Variants in MAGI2 observed in about 807,000 individuals in gnomAD.
MAGI2 encodes membrane associated guanylate kinase, WW and PDZ domain containing 2, also known as membrane-associated guanylate kinase, WW and PDZ domain-containing protein 2.
In MAGI2, 35 loss-of-function variants were observed where a neutral mutation model predicts 133.3. The observed-to-expected ratio is 0.26, with a 90% CI of 0.20 to 0.35. The LOEUF is 0.35. MAGI2 is among the 10% of genes least tolerant of loss of function. The pLI, the probability that MAGI2 is intolerant of heterozygous loss-of-function variation, is 1.00. For missense variants in MAGI2, 1,636 were observed against 1,863.4 expected (o/e 0.88, Z 2.25); for synonymous variants, 729 against 710.6 (o/e 1.03, Z -0.41).
chr7:78,417,709 A>T (rs1365622717), intron 6 of MAGI2, among the ~76,000 whole-genome samples: 1 of 152,156 alleles, frequency 6.6e-6, no homozygotes, highest in East Asian at 1.9e-4. Context: ...TGGGGGACAG[A>T]TATTACTGTG....
chr7:78,577,348 G>T (rs1249436558), intron 3 of MAGI2, among the ~76,000 whole-genome samples: 1 of 152,004 alleles, frequency 6.6e-6, no homozygotes, highest in Admixed American at 6.6e-5. Flanking sequence ...GGTCCTAATT[G>T]AATTAAAAGA....
intron 2 of MAGI2, among the ~76,000 whole-genome samples, chr7:78,655,436 C>A (rs796736514): frequency 3.0e-4 from 12 of 40,412 alleles, no homozygotes; most frequent in South Asian, 1.3e-3. Flanking sequence ...AAACAAAAAA[C>A]AAACAAAAAA....
At chr7:79,427,452 G>A (rs1458632585) in intron 1 of MAGI2, among the ~76,000 whole-genome samples, 2 of 152,098 alleles carry the variant, frequency 1.3e-5, no homozygotes, top group African/African-American at 4.8e-5. Flanking sequence ...CATGCAATAA[G>A]TGATCTAAAA....
intron 10 of MAGI2, among the ~76,000 whole-genome samples, chr7:78,250,703 A>C (rs1403950472): frequency 2.0e-5 from 3 of 152,084 alleles, no homozygotes; most frequent in Admixed American, 2.0e-4. Flanking sequence ...AACTGATTTA[A>C]GAAGAAAACA....
chr7:79,268,886 GGTT>G (rs1479290265), intron 1 of MAGI2, among the ~76,000 whole-genome samples: 1 of 152,142 alleles, frequency 6.6e-6, no homozygotes, highest in Non-Finnish European at 1.5e-5. Context: ...GACAGGAGAA[GGTT>G]GTTATTAGCC....
chr7:78,959,237 G>A (rs1044527233), intron 2 of MAGI2, among the ~76,000 whole-genome samples: 1 of 152,132 alleles, frequency 6.6e-6, no homozygotes, highest in African/African-American at 2.4e-5. Context: ...TTCATGCAAA[G>A]TTAGTCAATT....
At chr7:78,527,278 G>A (rs1028211311) in intron 3 of MAGI2, among the ~76,000 whole-genome samples, 3 of 152,114 alleles carry the variant, frequency 2.0e-5, no homozygotes, top group Non-Finnish European at 4.4e-5. Flanking sequence ...AAAGCAGTGA[G>A]AATAGCTTTC....
At position 78,256,014 on chromosome 7, in the gene MAGI2, T is replaced by G; in HGVS notation, c.1976A>C (p.His659Pro). 1 of 1,613,752 alleles carries G rather than the reference T, an allele frequency of 6.2e-7. No homozygotes were observed. The highest frequency in any genetic ancestry group is 8.5e-7 in the Non-Finnish European group (1 of 1,179,882). ...INQQNVQNLSHTEVVDILKDC... is the reference protein window; with the variant it reads ...INQQNVQNLSPTEVVDILKDC... ...CTTAAGTATATCCACTACTTCTGTA[T>G]GGCTCAGGTTCTGTACATTCTGCTG... Residue 659 changes from histidine to proline, a missense_variant, in exon 10 of 22, where the codon CAT becomes CCT. By Grantham distance (77) the His-to-Pro change is moderately conservative. Coordinates refer to ENST00000354212, the MANE Select transcript of MAGI2 (RefSeq NM_012301.4).
At chr7:79,305,492 C>T (rs922387631) in intron 1 of MAGI2, among the ~76,000 whole-genome samples, 1 of 152,094 alleles carries the variant, frequency 6.6e-6, no homozygotes, top group Admixed American at 6.6e-5. Flanking sequence ...TTTATCTATT[C>T]TTATCTCTTT....
chr7:78,243,208 C>A (rs919234479), intron 10 of MAGI2, among the ~76,000 whole-genome samples: 2 of 148,588 alleles, frequency 1.3e-5, no homozygotes, highest in Non-Finnish European at 3.0e-5. Context: ...TGCAACCTAC[C>A]CTCAAATGGT....
chr7:78,717,884 A>G (rs1440722956), intron 2 of MAGI2, among the ~76,000 whole-genome samples: 1 of 152,208 alleles, frequency 6.6e-6, no homozygotes, highest in African/African-American at 2.4e-5. Context: ...GTACTAATAT[A>G]AGCAAATACT....
intron 16 of MAGI2, among the ~76,000 whole-genome samples, chr7:78,136,139 G>C (rs564982705): frequency 6.7e-6 from 1 of 149,276 alleles, no homozygotes; most frequent in African/African-American, 2.5e-5. Context: ...TTTTTGAGAT[G>C]GAGTCTCACT....
chr7:79,197,480 G>C lies in MAGI2; in HGVS notation c.302-190274C>G, dbSNP rs887116345. 5.3e-5 allele frequency among the ~76,000 whole-genome samples: 8 copies of C among 152,118 alleles called. No homozygotes were observed. In the East Asian group the frequency reaches 1.4e-3, roughly 26 times the overall value. On this transcript the variant is annotated intron_variant, in intron 1 of 21. Transcript: ENST00000354212. The stretch of plus-strand genomic sequence containing the variant: ...ACAACCAGCGCTTGCTCCAAGTCTA[G>C]TTCTGCTCAGCAATGCAAGTTCTCT...
chr7:78,654,220 A>G (rs1811890792), intron 2 of MAGI2, among the ~76,000 whole-genome samples: 1 of 152,136 alleles, frequency 6.6e-6, no homozygotes, highest in Non-Finnish European at 1.5e-5. Context: ...AGCTTGGACA[A>G]ATTTCTTACT....
intron 1 of MAGI2, among the ~76,000 whole-genome samples, chr7:79,215,626 G>A (rs1829961700): frequency 6.6e-6 from 1 of 151,792 alleles, no homozygotes; most frequent in Non-Finnish European, 1.5e-5. Flanking sequence ...CCTATGACCT[G>A]GCAATACTTC....
chr7:79,050,331 A>G (rs1334982225), intron 1 of MAGI2, among the ~76,000 whole-genome samples: 1 of 152,166 alleles, frequency 6.6e-6, no homozygotes, highest in African/African-American at 2.4e-5. Flanking sequence ...GAGACATGAA[A>G]TATGTGGCCT....
intron 2 of MAGI2, among the ~76,000 whole-genome samples, chr7:78,974,342 C>T (rs975633944): frequency 9.9e-5 from 15 of 151,930 alleles, no homozygotes; most frequent in African/African-American, 2.9e-4. Context: ...TAATTTTTAG[C>T]TCTAATGTCT....
intron 6 of MAGI2, among the ~76,000 whole-genome samples, chr7:78,431,613 T>C (rs1799802141): frequency 6.6e-6 from 1 of 152,104 alleles, no homozygotes; most frequent in Admixed American, 6.6e-5. Context: ...AAAATGCAGA[T>C]GGTAAATGGC....
chr7:78,599,713 A>G (rs971953354), intron 3 of MAGI2, among the ~76,000 whole-genome samples: 1 of 152,146 alleles, frequency 6.6e-6, no homozygotes, highest in Non-Finnish European at 1.5e-5. Flanking sequence ...TCTGACTTCA[A>G]TTATTTCCTG....
Sources: allele counts gnomAD v4.1 joint callset (sites outside exome capture counted in the v4.1 genomes callset), GRCh38; gene constraint gnomAD v4.1.1; transcripts MANE v1.5; gene names NCBI Gene and HGNC (gene_info 2026-07-23, HGNC 2026-07-21).